SPAG1: variants seen among roughly 807,000 people sequenced by gnomAD.
SPAG1 encodes the protein sperm associated antigen 1.
Under a neutral mutation model 100.5 loss-of-function variants are expected in SPAG1, and 69 were observed. That is an observed-to-expected ratio of 0.69 (90% CI 0.57 to 0.84). SPAG1 has a LOEUF of 0.84. Ranked by LOEUF, SPAG1 falls within the 40% of genes least tolerant of loss-of-function variation. The probability of loss-of-function intolerance (pLI) is 0.00; values close to 1 mark genes in which losing one functional copy is unlikely to be tolerated. For synonymous variants in SPAG1, 336 were observed against 411.6 expected, an observed-to-expected ratio of 0.82 and a Z score of 2.22; for missense variants, 955 against 1,133.1, an observed-to-expected ratio of 0.84 and a Z score of 2.26.
Position 100,237,791 on chromosome 8 carries a change from T to C in SPAG1, c.2116-1449T>C, listed in dbSNP as rs560992980. Among the ~76,000 whole-genome samples the C allele has an allele frequency of 5.9e-5, 9 of 152,294 alleles. No individual in the cohort carries two copies. In the South Asian group the frequency reaches 1.5e-3, roughly 25 times the overall value. ...TCAACATGCATTTCTTGTTTTCTTA[T>C]GTCTCTTCCAACCAGTCAGGCTGCT... On this transcript the variant is annotated intron_variant, in intron 16 of 18. Transcript: ENST00000388798.
intron 3 of SPAG1, among the ~76,000 whole-genome samples, chr8:100,175,788 C>G (rs1056102209): frequency 2.6e-5 from 4 of 152,170 alleles, no homozygotes; most frequent in Admixed American, 6.5e-5. Context: ...ACTTCAGGAA[C>G]AAAGCATTGA....
chr8:100,196,631 G>A (rs1404831408), intron 10 of SPAG1, among the ~76,000 whole-genome samples: 1 of 151,992 alleles, frequency 6.6e-6, no homozygotes, highest in East Asian at 1.9e-4. Context: ...TTTTTTGTCT[G>A]TAGCTTTTTT....
In SPAG1 at chr8:100,225,477, A is replaced by T. The variant is rs188056902; in HGVS notation, c.1855+138A>T. 122 of 764,010 alleles carry T rather than the reference A, an allele frequency of 1.6e-4. No individual in the cohort carries two copies. In the African/African-American group the frequency reaches 2.0e-3, roughly 12 times the overall value. 47.3% of individuals were successfully genotyped at this position (764,010 alleles called of 1,614,324 possible). ...GTGAAGTCCCTGTTCTCCCTATTTT[A>T]TTATTATTTTGAGACAGGGTCTTGC... On this transcript the variant is annotated intron_variant, in intron 14 of 18. Transcript: ENST00000388798.
intron 6 of SPAG1, 152 bp from the exon 7 acceptor site, chr8:100,184,476 C>T: frequency 6.3e-6 from 3 of 477,826 alleles, no homozygotes; most frequent in South Asian, 7.9e-5. Context: ...AAGAAAACAT[C>T]CCTAAGCTTG....
chr8:100,187,821 C>G (rs2453658), intron 8 of SPAG1, among the ~76,000 whole-genome samples: 50,164 of 152,078 alleles, frequency 0.33, 8,857 homozygotes, highest in East Asian at 0.51. Flanking sequence ...GTGGATATTT[C>G]CACCTAGGTG....
intron 10 of SPAG1, among the ~76,000 whole-genome samples, chr8:100,194,836 G>A (rs1542812): frequency 0.63 from 96,065 of 152,038 alleles, 30,786 homozygotes; most frequent in African/African-American, 0.74. Flanking sequence ...TTGAGGGGAA[G>A]GATTTGCCTC....
intron 15 of SPAG1, among the ~76,000 whole-genome samples, chr8:100,231,823 G>A (rs953778978): frequency 1.3e-5 from 2 of 152,110 alleles, no homozygotes; most frequent in Admixed American, 6.5e-5. Context: ...TTAGCCAGGC[G>A]CAGCGGCAGG....
chr8:100,202,583 G>A (rs113954782), intron 10 of SPAG1, among the ~76,000 whole-genome samples: 8,388 of 150,104 alleles, frequency 0.056, 736 homozygotes, highest in African/African-American at 0.19. Context: ...GGTAGCGGGC[G>A]CCTGTAGTCC....
chr8:100,212,998 T>C (rs1406516588), intron 10 of SPAG1, 92 bp from the exon 11 acceptor site: 24 of 1,075,088 alleles, frequency 2.2e-5, no homozygotes, highest in African/African-American at 3.8e-5. Context: ...GAGCCCGCCC[T>C]CCGCGTCCTG....
intron 12 of SPAG1, among the ~76,000 whole-genome samples, chr8:100,216,145 A>G (rs1385148566): frequency 6.6e-6 from 1 of 152,126 alleles, no homozygotes; most frequent in African/African-American, 2.4e-5. Context: ...TTCTTTACCC[A>G]GAGAGCCAGT....
In SPAG1 at chr8:100,213,250, ACGGCGGGCCTCTGCGGCGGCGG is replaced by A; in HGVS notation, c.1266_1287del (p.Ser423AlafsTer19). The A allele has an allele frequency of 4.9e-6, 6 of 1,227,698 alleles. No individual in the cohort carries two copies. The highest frequency in any genetic ancestry group is 6.1e-6 in the Non-Finnish European group (6 of 987,716). 76.1% of individuals were successfully genotyped at this position (1,227,698 alleles called of 1,614,324 possible). A position where few individuals can be genotyped will look rare whatever the true frequency, so the allele number is the denominator to read the frequency against. The stretch of plus-strand genomic sequence containing the variant: ...AGGCCGGCGCGGACAAGCGGAGCCC[ACGGCGGGCCTCTGCGGCGGCGG>A]CGGCGGGCGGCGGCGCCACCGGGCA... On this transcript the variant is annotated frameshift_variant, in exon 11 of 19. Transcript: ENST00000388798. LOFTEE classifies it high-confidence loss of function.
chr8:100,231,149 C>T lies in SPAG1; in HGVS notation c.1856-7C>T. 1.3e-6 allele frequency: 2 copies of T among 1,590,336 alleles called. No homozygotes were observed. The highest frequency in any genetic ancestry group is 1.7e-6 in the Non-Finnish European group (2 of 1,169,976). Reference sequence around the variant, plus strand: ...TACTTCCTCTTCTTTGTTTTTTTGTCCCATAGATGAAAAAACATTTAAAGC... The same window carrying T: ...TACTTCCTCTTCTTTGTTTTTTTGTTCCATAGATGAAAAAACATTTAAAGC... On this transcript the variant is annotated splice_region_variant and splice_polypyrimidine_tract_variant and intron_variant, in intron 14 of 18. Transcript: ENST00000388798.
At chr8:100,164,848 C>CAAG (rs1318199649) in intron 2 of SPAG1, among the ~76,000 whole-genome samples, 1 of 152,232 alleles carries the variant, frequency 6.6e-6, no homozygotes, top group African/African-American at 2.4e-5. Context: ...AAATTACCAT[C>CAAG]CATGATCCAT....
rs1335243028 is a variant in SPAG1, at chr8:100,191,500, A to G, written c.939+4A>G. On this transcript the variant is annotated splice_donor_region_variant and intron_variant, in intron 9 of 18. Coordinates refer to ENST00000388798, the MANE Select transcript of SPAG1 (RefSeq NM_003114.5). ...GCCTGATAATGATTTGGCCAAGGTA[A>G]GTATAGAATGTGATTTCTCACCTAA... The G allele has an allele frequency of 2.5e-6, 4 of 1,583,570 alleles. No homozygotes were observed. The highest frequency in any genetic ancestry group is 3.5e-6 in the Non-Finnish European group (4 of 1,153,364).
chr8:100,215,909 T>C (rs1166764451), intron 12 of SPAG1, among the ~76,000 whole-genome samples: 1 of 152,228 alleles, frequency 6.6e-6, no homozygotes, highest in African/African-American at 2.4e-5. Flanking sequence ...TTTTTGCCAG[T>C]TTTACATATT....
At chr8:100,172,500 A>G (rs1815906660) in intron 3 of SPAG1, among the ~76,000 whole-genome samples, 1 of 152,042 alleles carries the variant, frequency 6.6e-6, no homozygotes, top group Non-Finnish European at 1.5e-5. Context: ...CATGCCTGTA[A>G]TCCCAGCTAC....
In SPAG1 at chr8:100,214,901, A is replaced by G. The variant is rs1191171581; in HGVS notation, c.1535+983A>G. 2.0e-5 allele frequency among the ~76,000 whole-genome samples: 3 copies of G among 150,126 alleles called. No homozygotes were observed. In the East Asian group the frequency reaches 5.9e-4, roughly 29 times the overall value. Reference sequence around the variant, plus strand: ...AGGCTGAAGCAGGAAAATTGCTTGAACCTGGGAGGCAGATGTTGCAGTGAG... The same window carrying G: ...AGGCTGAAGCAGGAAAATTGCTTGAGCCTGGGAGGCAGATGTTGCAGTGAG... On this transcript the variant is annotated intron_variant, in intron 12 of 18. Coordinates refer to ENST00000388798, the MANE Select transcript of SPAG1 (RefSeq NM_003114.5).
At chr8:100,240,311 T>C in intron 17 of SPAG1, 92 bp from the exon 18 acceptor site, 3 of 1,248,170 alleles carry the variant, frequency 2.4e-6, no homozygotes, top group Non-Finnish European at 3.3e-6. Context: ...AGTCTACTTG[T>C]AGTTTTCAAT....
intron 3 of SPAG1, among the ~76,000 whole-genome samples, chr8:100,176,347 GTCTTTCTTTTTTTTTT>G (rs986200893): frequency 1.2e-4 from 18 of 150,898 alleles, no homozygotes; most frequent in Admixed American, 9.2e-4. Flanking sequence ...CTATAGGAAT[GTCTTTCTTTTTTTTTT>G]TCTTTCTTTC....
Sources: gnomAD v4.1 joint callset for allele counts (sites outside exome capture counted in the v4.1 genomes callset) on GRCh38, gnomAD v4.1.1 for gene constraint, MANE v1.5 for transcripts, NCBI Gene and HGNC (gene_info 2026-07-23, HGNC 2026-07-21) for gene names.